FIG4: variants seen among roughly 807,000 people sequenced by gnomAD.
FIG4 encodes FIG4 phosphoinositide 5-phosphatase.
A neutral mutation model predicts 118.6 loss-of-function variants in FIG4; 112 were observed. The ratio of observed to expected loss-of-function variants is 0.94; its 90% confidence interval spans 0.81 to 1.11. FIG4 has a LOEUF of 1.11. Ranked by LOEUF, FIG4 falls within the 50% of genes least tolerant of loss-of-function variation. FIG4 has a pLI of 0.00. For missense variants in FIG4, 969 were observed against 1,111.7 expected (o/e 0.87, Z 1.83); for synonymous variants, 369 against 381.2 (o/e 0.97, Z 0.37).
chr6:109,716,618 T>A (rs746908606), intron 3 of FIG4, 50 bp downstream of exon 3: 1 of 1,605,204 alleles, frequency 6.2e-7, no homozygotes. Context: ...TGTTTTTGTC[T>A]TCTCTACATA....
chr6:109,760,708 A>T (rs577220500), intron 11 of FIG4, among the ~76,000 whole-genome samples: 29 of 152,288 alleles, frequency 1.9e-4, no homozygotes, highest in Admixed American at 2.0e-4. Context: ...CTCGTGGATG[A>T]ACCTGTGATA....
At chr6:109,795,595 CTTTTTTTTTTTTTT>C (rs72384711) in intron 21 of FIG4, among the ~76,000 whole-genome samples, 10 of 69,538 alleles carry the variant, frequency 1.4e-4, no homozygotes, top group Admixed American at 1.2e-3. Context: ...GGTTTCAGTC[CTTTTTTTTTTTTTT>C]TTTTTTTTTT....
chr6:109,824,195 T>C (rs991506491), intron 22 of FIG4, among the ~76,000 whole-genome samples: 1 of 152,114 alleles, frequency 6.6e-6, no homozygotes, highest in Non-Finnish European at 1.5e-5. Context: ...TATTTTTGAA[T>C]AGAGAGATTA....
intron 22 of FIG4, among the ~76,000 whole-genome samples, chr6:109,810,609 G>A (rs563055032): frequency 2.6e-5 from 4 of 152,170 alleles, no homozygotes; most frequent in Admixed American, 2.0e-4. Context: ...TCTTCCTCCT[G>A]TGCTGCATAC....
At chr6:109,808,817 A>G (rs959859728) in intron 22 of FIG4, among the ~76,000 whole-genome samples, 2 of 152,196 alleles carry the variant, frequency 1.3e-5, no homozygotes, top group African/African-American at 4.8e-5. Context: ...GAACACGTAT[A>G]TCTACCACCG....
rs558096381 is a variant in FIG4, at chr6:109,735,192, T to C, written c.540T>C (p.Thr180=). ...CCCACTCACTTCAATATAATCTCAC[T>C]GTCTTGCGAATGCCCCTGGAGATGT... ...DLSHSLQYNL[T]VLRMPLEMLK... is the part of the protein sequence containing the mutation. The change falls in exon 6 of 23, where the codon ACT becomes ACC. Residue 180 remains threonine, a synonymous_variant. Coordinates refer to ENST00000230124, the MANE Select transcript of FIG4 (RefSeq NM_014845.6). 3.1e-6 allele frequency: 5 copies of C among 1,612,926 alleles called. No homozygotes were observed. Among genetic ancestry groups the C allele is most frequent in the Middle Eastern group, 1.7e-4 (1 of 6,050 alleles).
chr6:109,789,653 A>G lies in FIG4; in HGVS notation c.2156A>G (p.Asp719Gly). The change falls in exon 19 of 23, where the codon GAT (aspartate) becomes GGT (glycine). Residue 719 changes from aspartate to glycine, a missense_variant. Coordinates refer to ENST00000230124, the MANE Select transcript of FIG4 (RefSeq NM_014845.6). ...AGTCCATTTACTGTGCGTAAACCAG[A>G]TGAAACTGGAAAATCAGTATTGGGG... is the stretch of plus-strand genomic sequence containing the variant. ...DPSPFTVRKP[D>G]ETGKSVLGNK... 2 of 1,613,200 alleles carry G rather than the reference A, an allele frequency of 1.2e-6. No individual in the cohort carries two copies. The highest frequency in any genetic ancestry group is 1.7e-6 in the Non-Finnish European group (2 of 1,179,234).
intron 1 of FIG4, among the ~76,000 whole-genome samples, chr6:109,705,984 A>G (rs1775054662): frequency 6.6e-6 from 1 of 152,176 alleles, no homozygotes; most frequent in Non-Finnish European, 1.5e-5. Flanking sequence ...GTTAGTGTAA[A>G]TGTCTTAGAA....
At chr6:109,720,760 A>G (rs1775581940) in intron 3 of FIG4, among the ~76,000 whole-genome samples, 1 of 152,160 alleles carries the variant, frequency 6.6e-6, no homozygotes, top group Non-Finnish European at 1.5e-5. Context: ...ATGGACCAGC[A>G]CTGGTCCCTA....
chr6:109,760,045 A>G (rs1000487151), intron 10 of FIG4, among the ~76,000 whole-genome samples: 1 of 152,258 alleles, frequency 6.6e-6, no homozygotes, highest in African/African-American at 2.4e-5. Context: ...AGAATCTTCA[A>G]AGTTCATTAG....
At chr6:109,786,167 G>A in intron 17 of FIG4, 135 bp from the exon 18 acceptor site, 7 of 697,998 alleles carry the variant, frequency 1.0e-5, no homozygotes, top group Non-Finnish European at 2.5e-6. Flanking sequence ...GTTGGAGGCA[G>A]GAGCTTACCC....
intron 18 of FIG4, among the ~76,000 whole-genome samples, chr6:109,787,612 AAAC>A (rs372017367): frequency 8.9e-4 from 135 of 152,318 alleles, no homozygotes; most frequent in Middle Eastern, 3.4e-3. Context: ...ATGTCGGAAA[AAAC>A]AACATTATTT....
At chr6:109,722,900 C>T (rs1482463548) in intron 3 of FIG4, among the ~76,000 whole-genome samples, 1 of 152,044 alleles carries the variant, frequency 6.6e-6, no homozygotes, top group Non-Finnish European at 1.5e-5. Flanking sequence ...GTGGCCTACC[C>T]CTCATGAGCA....
chr6:109,703,044 G>C (rs899320336), intron 1 of FIG4, among the ~76,000 whole-genome samples: 1 of 151,724 alleles, frequency 6.6e-6, no homozygotes, highest in African/African-American at 2.4e-5. Context: ...TTATGGCCTC[G>C]TTTTGGTAGA....
chr6:109,699,311 A>G (rs1489870568), intron 1 of FIG4, among the ~76,000 whole-genome samples: 1 of 152,052 alleles, frequency 6.6e-6, no homozygotes, highest in Non-Finnish European at 1.5e-5. Flanking sequence ...ATTTGTAGTA[A>G]AATTTTCACT....
Position 109,743,212 on chromosome 6 carries a change from T to C in FIG4, c.979T>C (p.Ser327Pro). Residue 327 changes from serine (S) to proline (P), a missense_variant, in exon 9 of 23, where the codon TCT becomes CCT. Ser to Pro is a moderately conservative substitution (Grantham distance 74). Transcript: ENST00000230124. Reference sequence around the variant, plus strand: ...TTCTTCATATGTACAAGTTAGAGGATCTGTGCCCTTATACTGGTCTCAGGA... The same window carrying C: ...TTCTTCATATGTACAAGTTAGAGGACCTGTGCCCTTATACTGGTCTCAGGA... ...SYSSYVQVRG[S>P]VPLYWSQDIS... 2.5e-6 allele frequency: 4 copies of C among 1,612,986 alleles called. No individual in the cohort carries two copies. Among genetic ancestry groups the C allele is most frequent in the Non-Finnish European group, 3.4e-6 (4 of 1,179,216 alleles).
chr6:109,769,006 G>A (rs1405823884), intron 15 of FIG4, among the ~76,000 whole-genome samples: 1 of 152,014 alleles, frequency 6.6e-6, no homozygotes, highest in Non-Finnish European at 1.5e-5. Flanking sequence ...CCCTCAGGGT[G>A]TATATCACCA....
chr6:109,729,990 C>T (rs889000563), intron 4 of FIG4, among the ~76,000 whole-genome samples: 1 of 151,844 alleles, frequency 6.6e-6, no homozygotes, highest in African/African-American at 2.4e-5. Flanking sequence ...GAGAGATGTC[C>T]CTTTTTCATG....
intron 15 of FIG4, among the ~76,000 whole-genome samples, chr6:109,772,308 A>G (rs1276762707): frequency 1.3e-5 from 2 of 151,904 alleles, no homozygotes; most frequent in East Asian, 1.9e-4. Flanking sequence ...CTCTTTTTCC[A>G]GTTTTGTCCT....
Sources: gnomAD v4.1 joint callset for allele counts (sites outside exome capture counted in the v4.1 genomes callset) on GRCh38, gnomAD v4.1.1 for gene constraint, MANE v1.5 for transcripts, NCBI Gene and HGNC (gene_info 2026-07-23, HGNC 2026-07-21) for gene names.